Variants in NBAS observed in about 807,000 individuals in gnomAD.
The protein encoded by NBAS is NAG/BC035112 fusion.
In NBAS, 219 loss-of-function variants were observed where a neutral mutation model predicts 302.5. The observed-to-expected ratio is 0.72, with a 90% CI of 0.65 to 0.81. The LOEUF (loss-of-function observed/expected upper bound fraction) is 0.81. Among genes scored for constraint, NBAS ranks in the 30% least tolerant of loss-of-function variants. NBAS has a pLI of 0.00. For missense variants in NBAS, 2,932 were observed against 2,841.6 expected (o/e 1.03, Z -0.72); for synonymous variants, 1,118 against 1,021.6 (o/e 1.09, Z -1.80).
At chr2:15,044,796 C>T in the NBAS span, among the ~76,000 whole-genome samples, 1 of 152,318 alleles carries the variant, frequency 6.6e-6, no homozygotes, top group East Asian at 1.9e-4. Flanking sequence ...CCCTAGCTTT[C>T]ATGCCTCTGA....
At chr2:15,037,469 AG>A in the NBAS span, among the ~76,000 whole-genome samples, 374 of 152,322 alleles carry the variant, frequency 2.5e-3, 2 homozygotes, top group Middle Eastern at 0.014. Context: ...AGCACCCCAC[AG>A]TGTACAAAAT....
At chr2:15,209,251 G>C (rs990565389) in intron 48 of NBAS, among the ~76,000 whole-genome samples, 2 of 152,028 alleles carry the variant, frequency 1.3e-5, no homozygotes, top group Non-Finnish European at 2.9e-5. Flanking sequence ...GAACCATGAA[G>C]AAATCTAAAA....
the NBAS span, among the ~76,000 whole-genome samples, chr2:15,109,438 A>AT: frequency 6.6e-6 from 1 of 152,144 alleles, no homozygotes; most frequent in African/African-American, 2.4e-5. Context: ...GGACACTCAA[A>AT]TGAAGAATTA....
the NBAS span, among the ~76,000 whole-genome samples, chr2:15,109,817 T>C: frequency 1.2e-4 from 18 of 152,118 alleles, no homozygotes; most frequent in African/African-American, 3.9e-4. Context: ...GGTTAGGATT[T>C]CAACATATGA....
Position 15,234,870 on chromosome 2 carries a change from AG to A in NBAS, c.5944-124del, listed in dbSNP as rs1484946986. On this transcript the variant is annotated intron_variant, in intron 45 of 51. Coordinates refer to ENST00000281513, the MANE Select transcript of NBAS (RefSeq NM_015909.4). Reference sequence around the variant, plus strand: ...ATGAAAAGCAGCAACACCATACCAAAGGGCATGTATTAGTTAGTTATTAAGA... The same window carrying A: ...ATGAAAAGCAGCAACACCATACCAAAGGCATGTATTAGTTAGTTATTAAGA... 2.5e-5 allele frequency: 24 copies of A among 979,466 alleles called. No individual in the cohort carries two copies. The Admixed American group carries it at 4.6e-4, about 19-fold the overall frequency. The allele number at this position is 979,466 out of a possible 1,614,324, so 60.7% of individuals were successfully genotyped here. A position where few individuals can be genotyped will look rare whatever the true frequency, so the allele number is the denominator to read the frequency against.
the NBAS span, among the ~76,000 whole-genome samples, chr2:15,147,533 T>A: frequency 1.3e-5 from 2 of 151,968 alleles, no homozygotes; most frequent in Admixed American, 6.6e-5. Context: ...TGGAGGTTGC[T>A]GTGAGCCAAG....
intron 11 of NBAS, among the ~76,000 whole-genome samples, chr2:15,499,404 A>G (rs575191812): frequency 7.2e-5 from 11 of 152,386 alleles, no homozygotes; most frequent in South Asian, 2.1e-4. Context: ...TGTGTTACAT[A>G]CATGGAATAT....
At chr2:14,990,770 G>T in the NBAS span, among the ~76,000 whole-genome samples, 357 of 152,222 alleles carry the variant, frequency 2.3e-3, 3 homozygotes, top group African/African-American at 8.3e-3. Flanking sequence ...CAGCTATTTT[G>T]CCATCTTTTT....
At chr2:15,439,591 T>C (rs1005819553) in intron 21 of NBAS, among the ~76,000 whole-genome samples, 14 of 152,064 alleles carry the variant, frequency 9.2e-5, no homozygotes, top group African/African-American at 1.9e-4. Flanking sequence ...AGAAGATGCA[T>C]GATTTCTGCA....
intron 38 of NBAS, among the ~76,000 whole-genome samples, chr2:15,319,117 T>C (rs1329371384): frequency 6.6e-6 from 1 of 152,030 alleles, no homozygotes; most frequent in Non-Finnish European, 1.5e-5. Context: ...CACAACAACA[T>C]GGAAAGTGAA....
intron 9 of NBAS, among the ~76,000 whole-genome samples, chr2:15,518,241 G>A (rs1662497019): frequency 6.6e-6 from 1 of 151,980 alleles, no homozygotes. Flanking sequence ...GTATTTTGAG[G>A]TTGTATATGC....
the NBAS span, among the ~76,000 whole-genome samples, chr2:14,957,547 T>C: frequency 6.6e-6 from 1 of 152,170 alleles, no homozygotes; most frequent in Non-Finnish European, 1.5e-5. Context: ...ATTTTAACAT[T>C]GCATGAATTG....
intron 35 of NBAS, among the ~76,000 whole-genome samples, chr2:15,332,090 C>G (rs752179574): frequency 4.6e-5 from 7 of 152,140 alleles, no homozygotes; most frequent in African/African-American, 7.2e-5. Flanking sequence ...TGTAGGCAGC[C>G]TGTAGACACT....
the NBAS span, among the ~76,000 whole-genome samples, chr2:15,033,361 C>T: frequency 6.6e-6 from 1 of 152,280 alleles, no homozygotes; most frequent in Non-Finnish European, 1.5e-5. Flanking sequence ...AGATTAATCA[C>T]GCCTTGAGTT....
chr2:15,249,674 C>T (rs1197987646), intron 44 of NBAS, among the ~76,000 whole-genome samples: 3 of 152,080 alleles, frequency 2.0e-5, no homozygotes, highest in African/African-American at 2.4e-5. Context: ...CAATAATGAA[C>T]ACAGAGCCAA....
the NBAS span, among the ~76,000 whole-genome samples, chr2:14,811,900 T>G: frequency 6.6e-6 from 1 of 152,136 alleles, no homozygotes; most frequent in Non-Finnish European, 1.5e-5. Flanking sequence ...CTATGAGGCT[T>G]TGGTGACTGA....
At chr2:15,189,328 T>C (rs879764751) in intron 49 of NBAS, among the ~76,000 whole-genome samples, 13 of 152,238 alleles carry the variant, frequency 8.5e-5, no homozygotes, top group Non-Finnish European at 1.5e-4. Flanking sequence ...AACAGTCTCA[T>C]GGAATCTTTT....
At chr2:14,957,377 C>T in the NBAS span, among the ~76,000 whole-genome samples, 1 of 151,232 alleles carries the variant, frequency 6.6e-6, no homozygotes, top group Non-Finnish European at 1.5e-5. Context: ...ACAGAATTAC[C>T]TTTTCAAAAG....
intron 48 of NBAS, among the ~76,000 whole-genome samples, chr2:15,195,359 CT>C (rs1467052659): frequency 1.3e-5 from 2 of 152,162 alleles, no homozygotes; most frequent in Non-Finnish European, 2.9e-5. Flanking sequence ...AACAAAGTCA[CT>C]CACAAAGGGT....
Sources: gnomAD v4.1 joint callset for allele counts (sites outside exome capture counted in the v4.1 genomes callset) on GRCh38, gnomAD v4.1.1 for gene constraint, MANE v1.5 for transcripts, NCBI Gene and HGNC (gene_info 2026-07-23, HGNC 2026-07-21) for gene names.